TTC27: variants seen among roughly 807,000 people sequenced by gnomAD.
TTC27 encodes the protein tetratricopeptide repeat protein 27.
Under a neutral mutation model 115.9 loss-of-function variants are expected in TTC27, and 79 were observed. The observed-to-expected ratio is 0.68, with a 90% confidence interval of 0.57 to 0.82. TTC27 has a LOEUF of 0.82. Among genes scored for constraint, TTC27 ranks in the 40% least tolerant of loss-of-function variants. TTC27 has a pLI of 0.00. For synonymous variants in TTC27, 401 were observed against 356.0 expected (o/e 1.13, Z -1.42); for missense variants, 1,054 against 993.1 (o/e 1.06, Z -0.82).
intron 12 of TTC27, among the ~76,000 whole-genome samples, chr2:32,746,531 C>G (rs935071392): frequency 2.0e-5 from 2 of 98,518 alleles, no homozygotes; most frequent in Middle Eastern, 0.027. Flanking sequence ...CCATTGCACT[C>G]CAGCCTTGGC....
intron 10 of TTC27, among the ~76,000 whole-genome samples, chr2:32,720,491 T>A (rs373688073): frequency 2.6e-5 from 4 of 152,114 alleles, no homozygotes; most frequent in African/African-American, 9.7e-5. Context: ...CAGTCCAAAT[T>A]TTTAGTGTAG....
At chr2:32,630,408 T>C (rs1664135505) in intron 1 of TTC27, 115 bp from the exon 2 acceptor site, 1 of 734,000 alleles carries the variant, frequency 1.4e-6, no homozygotes, top group Non-Finnish European at 2.1e-6. Context: ...GTAATCATTC[T>C]AAGTCTATAG....
chr2:32,666,203 A>T (rs982808136), intron 6 of TTC27, among the ~76,000 whole-genome samples: 2 of 152,310 alleles, frequency 1.3e-5, no homozygotes, highest in African/African-American at 4.8e-5. Flanking sequence ...TAAACTGTTG[A>T]TATAGAACCA....
At chr2:32,757,015 T>C (rs1669257401) in intron 12 of TTC27, among the ~76,000 whole-genome samples, 1 of 152,210 alleles carries the variant, frequency 6.6e-6, no homozygotes. Flanking sequence ...GTATTGAGGA[T>C]GATTTTTAAT....
intron 5 of TTC27, among the ~76,000 whole-genome samples, chr2:32,653,610 A>C (rs934146462): frequency 4.0e-5 from 6 of 151,768 alleles, no homozygotes; most frequent in Admixed American, 1.3e-4. Flanking sequence ...AAAAAAACAA[A>C]AAAAAAACAG....
chr2:32,644,026 C>G (rs577584598), intron 4 of TTC27, among the ~76,000 whole-genome samples: 30 of 151,872 alleles, frequency 2.0e-4, no homozygotes, highest in African/African-American at 7.2e-4. Context: ...ATTAAAAATA[C>G]AAAAGTTAGC....
At chr2:32,740,375 T>A (rs1572565667) in intron 12 of TTC27, among the ~76,000 whole-genome samples, 2 of 152,012 alleles carry the variant, frequency 1.3e-5, no homozygotes, top group African/African-American at 4.8e-5. Flanking sequence ...AGTTTTCCTT[T>A]AAATTGTAAG....
intron 10 of TTC27, among the ~76,000 whole-genome samples, chr2:32,711,844 G>A (rs939492182): frequency 6.6e-6 from 1 of 152,124 alleles, no homozygotes; most frequent in African/African-American, 2.4e-5. Flanking sequence ...GGAAGCTGAG[G>A]CAGGAGAATT....
At chr2:32,739,599 TTTGTC>T in intron 12 of TTC27, among the ~76,000 whole-genome samples, 1 of 152,210 alleles carries the variant, frequency 6.6e-6, no homozygotes, top group East Asian at 1.9e-4. Flanking sequence ...AGTCATTTAC[TTTGTC>T]TTAAGTTTTT....
At chr2:32,669,527 C>T (rs1235944885) in intron 7 of TTC27, among the ~76,000 whole-genome samples, 1 of 152,032 alleles carries the variant, frequency 6.6e-6, no homozygotes, top group Non-Finnish European at 1.5e-5. Context: ...AACCATTTTT[C>T]AGGAAAAGGA....
intron 5 of TTC27, among the ~76,000 whole-genome samples, chr2:32,663,765 A>G (rs1665651463): frequency 6.6e-6 from 1 of 151,866 alleles, no homozygotes; most frequent in African/African-American, 2.4e-5. Flanking sequence ...GCTCACTACA[A>G]TCTCTGCCTC....
At chr2:32,656,351 C>T (rs761551245) in intron 5 of TTC27, among the ~76,000 whole-genome samples, 16 of 152,100 alleles carry the variant, frequency 1.1e-4, no homozygotes, top group African/African-American at 1.7e-4. Context: ...GAAACCTTCA[C>T]GAAGTGGCTG....
At chr2:32,648,103 G>A (rs1053160156) in intron 4 of TTC27, among the ~76,000 whole-genome samples, 4 of 152,024 alleles carry the variant, frequency 2.6e-5, no homozygotes, top group African/African-American at 9.7e-5. Flanking sequence ...TGGGGCTGTG[G>A]AAGAGAGATT....
intron 4 of TTC27, among the ~76,000 whole-genome samples, 163 bp downstream of exon 4, chr2:32,640,573 C>G (rs895790438): frequency 1.3e-5 from 2 of 152,068 alleles, no homozygotes; most frequent in African/African-American, 2.4e-5. Context: ...ACTTTTCTTC[C>G]CTCATGAGAT....
chr2:32,767,443 G>GTTTTTTTTT (rs150586627), intron 13 of TTC27, among the ~76,000 whole-genome samples: 1 of 112,206 alleles, frequency 8.9e-6, no homozygotes, highest in African/African-American at 3.2e-5. Flanking sequence ...ATATTTATAA[G>GTTTTTTTTT]TTTTTTTTTG....
intron 3 of TTC27, among the ~76,000 whole-genome samples, chr2:32,637,338 CT>C (rs1010015316): frequency 8.8e-5 from 13 of 147,456 alleles, no homozygotes; most frequent in Non-Finnish European, 9.0e-5. Flanking sequence ...CTTTTTCTTT[CT>C]TTTTTTTTTT....
At position 32,661,328 on chromosome 2, in the gene TTC27, G is replaced by A. The variant is rs547643240; in HGVS notation, c.641-2975G>A. On this transcript the variant is annotated intron_variant, in intron 5 of 19. Transcript: ENST00000317907. ...AAGAAAGTCAATGGTAGCTTGATGG[G>A]GATAGCATTGAATCTATAAATTACT... Among the ~76,000 whole-genome samples the A allele has an allele frequency of 6.8e-4, 103 of 152,154 alleles. 1 individual carries two copies. In the Middle Eastern group the frequency reaches 0.01, roughly 15 times the overall value.
Position 32,702,959 on chromosome 2 carries a change from T to C in TTC27, c.1233+39T>C, listed in dbSNP as rs1382860321. On this transcript the variant is annotated intron_variant, in intron 10 of 19. Transcript: ENST00000317907. ...TGGCAATTTGTGTGCTTCTTCCAAC[T>C]CTCTATTGCTATCAGTAAGCATACA... 2.2e-6 allele frequency: 3 copies of C among 1,370,996 alleles called. No homozygotes were observed. The Admixed American group carries it at 5.1e-5, about 23-fold the overall frequency. The allele number at this position is 1,370,996 out of a possible 1,614,324, so 84.9% of individuals were successfully genotyped here.
At chr2:32,637,751 C>T (rs921888552) in intron 3 of TTC27, among the ~76,000 whole-genome samples, 1 of 152,190 alleles carries the variant, frequency 6.6e-6, no homozygotes, top group African/African-American at 2.4e-5. Context: ...GATGAGGCTG[C>T]AGGTCTAGTT....
Sources: allele counts gnomAD v4.1 joint callset (sites outside exome capture counted in the v4.1 genomes callset), GRCh38; gene constraint gnomAD v4.1.1; transcripts MANE v1.5; gene names NCBI Gene and HGNC (gene_info 2026-07-23, HGNC 2026-07-21).